The following TDRD10 variants were observed in gnomAD, a reference collection of about 807,000 sequenced individuals.
TDRD10 encodes tudor domain-containing protein 10.
A neutral mutation model predicts 48.0 loss-of-function variants in TDRD10; 40 were observed. The ratio of observed to expected loss-of-function variants is 0.83; its 90% CI spans 0.65 to 1.09. The LOEUF is 1.09. Ranked by LOEUF, TDRD10 falls within the 50% of genes least tolerant of loss-of-function variation. The probability of loss-of-function intolerance (pLI) is 0.00; values close to 1 mark genes in which losing one functional copy is unlikely to be tolerated. For synonymous variants in TDRD10, 162 were observed against 170.4 expected (o/e 0.95, Z 0.38); for missense variants, 378 against 434.7 (o/e 0.87, Z 1.16).
In TDRD10 at chr1:154,525,895, CAAAAAAA is replaced by C. The variant is rs59844127; in HGVS notation, c.369+4434_369+4440del. Among the ~76,000 whole-genome samples the C allele has an allele frequency of 5.2e-3, 274 of 52,986 alleles. 1 individual carries two copies. Among genetic ancestry groups the C allele is most frequent in the Non-Finnish European group, 8.1e-3 (239 of 29,516 alleles). 34.8% of individuals were successfully genotyped at this position (52,986 alleles called of 152,430 possible). On this transcript the variant is annotated intron_variant, in intron 6 of 12. Coordinates refer to ENST00000368482, the MANE Select transcript of TDRD10 (RefSeq NM_182499.4). Reference sequence around the variant, plus strand: ...TGGGCAACAGAGCAAGATTCCGTCTCAAAAAAAAAAAAAAAAAAAAAAAAGAGGCTGG... The same window carrying C: ...TGGGCAACAGAGCAAGATTCCGTCTCAAAAAAAAAAAAAAAAAGAGGCTGG...
At chr1:154,528,238 T>C (rs1694414953) in intron 6 of TDRD10, among the ~76,000 whole-genome samples, 1 of 127,746 alleles carries the variant, frequency 7.8e-6, no homozygotes, top group Non-Finnish European at 1.7e-5. Flanking sequence ...AAAATTTTTT[T>C]TTGAGATGGA....
In TDRD10 at chr1:154,544,522, G is replaced by A. The variant is rs1192283388; in HGVS notation, c.797+5G>A. On this transcript the variant is annotated splice_donor_5th_base_variant and intron_variant, in intron 10 of 12. Transcript: ENST00000368482. ...TTATGGACACGCCTGGAACAGGTGT[G>A]TGCCTGGGCAGGGGTAGAGTCTATG... 7 of 1,613,408 alleles carry A rather than the reference G, an allele frequency of 4.3e-6. No individual in the cohort carries two copies. The East Asian group carries it at 1.3e-4, about 31-fold the overall frequency.
chr1:154,546,589 A>T (rs933768113), intron 11 of TDRD10, among the ~76,000 whole-genome samples: 53 of 151,858 alleles, frequency 3.5e-4, no homozygotes, highest in Non-Finnish European at 5.2e-4. Flanking sequence ...GTGGGCAGGG[A>T]GCACCACCCA....
intron 6 of TDRD10, among the ~76,000 whole-genome samples, chr1:154,533,214 T>C (rs1694740521): frequency 6.6e-6 from 1 of 152,154 alleles, no homozygotes. Flanking sequence ...CTGCATGCTG[T>C]CTTTGTTGGC....
At chr1:154,541,855 C>A (rs4845647) in intron 6 of TDRD10, 169 bp from the exon 7 acceptor site, 363,020 of 587,336 alleles carry the variant, frequency 0.62, 114,267 homozygotes, top group East Asian at 0.75. Flanking sequence ...CTCAGGATGC[C>A]GTGAGGATGG....
At chr1:154,505,187 C>T (rs867717181) in intron 1 of TDRD10, among the ~76,000 whole-genome samples, 3 of 152,170 alleles carry the variant, frequency 2.0e-5, no homozygotes, top group African/African-American at 7.2e-5. Flanking sequence ...TCTGCATCTC[C>T]GGGACTTCAT....
At chr1:154,528,368 C>T (rs984173136) in intron 6 of TDRD10, among the ~76,000 whole-genome samples, 17 of 151,858 alleles carry the variant, frequency 1.1e-4, no homozygotes, top group African/African-American at 3.4e-4. Context: ...GGACTACAGG[C>T]GTGCACCACC....
intron 4 of TDRD10, among the ~76,000 whole-genome samples, chr1:154,509,409 T>G (rs1436002052): frequency 1.3e-5 from 2 of 152,180 alleles, no homozygotes; most frequent in Non-Finnish European, 2.9e-5. Context: ...TCATGTGGTT[T>G]TATTAAATTA....
intron 6 of TDRD10, among the ~76,000 whole-genome samples, chr1:154,532,336 G>T (rs1694676188): frequency 6.6e-6 from 1 of 152,204 alleles, no homozygotes; most frequent in Admixed American, 6.5e-5. Flanking sequence ...GCTGGCCTGG[G>T]TGCTAAGCCC....
At chr1:154,540,257 G>A (rs1198186254) in intron 6 of TDRD10, among the ~76,000 whole-genome samples, 1 of 152,164 alleles carries the variant, frequency 6.6e-6, no homozygotes, top group East Asian at 1.9e-4. Context: ...GGTGGGTATG[G>A]ACACAGAGAA....
intron 6 of TDRD10, among the ~76,000 whole-genome samples, chr1:154,530,699 G>A (rs1404187032): frequency 1.3e-5 from 2 of 151,864 alleles, no homozygotes; most frequent in Admixed American, 1.3e-4. Context: ...GGGTTCACTT[G>A]CCTGTTTGAA....
intron 4 of TDRD10, among the ~76,000 whole-genome samples, chr1:154,510,335 G>T (rs903605911): frequency 6.6e-6 from 1 of 152,032 alleles, no homozygotes; most frequent in Admixed American, 6.6e-5. Flanking sequence ...GTTCATGCCT[G>T]TAATCCCAGC....
intron 6 of TDRD10, 167 bp from the exon 7 acceptor site, chr1:154,541,857 T>G: frequency 3.3e-6 from 2 of 597,192 alleles, no homozygotes; most frequent in East Asian, 3.0e-5. Context: ...CAGGATGCCG[T>G]GAGGATGGAG....
chr1:154,524,266 A>T (rs1422291911), intron 6 of TDRD10, among the ~76,000 whole-genome samples: 1 of 152,164 alleles, frequency 6.6e-6, no homozygotes, highest in Non-Finnish European at 1.5e-5. Context: ...TCTTGGGCTC[A>T]AGCCATCCTC....
intron 1 of TDRD10, among the ~76,000 whole-genome samples, chr1:154,505,787 C>CA (rs35579149): frequency 0.51 from 76,874 of 151,988 alleles, 22,584 homozygotes; most frequent in East Asian, 0.76. Context: ...AGATAATACT[C>CA]ACGGAATTGT....
chr1:154,536,580 G>T (rs114322004), intron 6 of TDRD10, among the ~76,000 whole-genome samples: 165 of 152,314 alleles, frequency 1.1e-3, no homozygotes, highest in African/African-American at 3.8e-3. Flanking sequence ...CCATTTAAGT[G>T]TACAGCTTGA....
At chr1:154,546,283 A>G (rs1695562442) in intron 11 of TDRD10, among the ~76,000 whole-genome samples, 1 of 149,632 alleles carries the variant, frequency 6.7e-6, no homozygotes, top group South Asian at 2.1e-4. Context: ...TGTGTTGGTC[A>G]GGCTGGTCTC....
At chr1:154,536,731 C>CCAG (rs1345439328) in intron 6 of TDRD10, among the ~76,000 whole-genome samples, 1 of 152,152 alleles carries the variant, frequency 6.6e-6, no homozygotes, top group Non-Finnish European at 1.5e-5. Context: ...TGGAGCTTTT[C>CCAG]CAGCGTGTCC....
rs1306172339 is a variant in TDRD10 at position 154,502,595 on chromosome 1, C to G, written c.-462C>G. The G allele has an allele frequency of 6.6e-6, 1 of 152,226 alleles. No individual in the cohort carries two copies. The highest frequency in any genetic ancestry group is 1.5e-5 in the Non-Finnish European group (1 of 68,072). The allele number at this position is 152,226 out of a possible 1,614,324, so 9.4% of individuals were successfully genotyped here. A position where few individuals can be genotyped will look rare whatever the true frequency, so the allele number is the denominator to read the frequency against. ...GGCCGCACGTGCGGATCGGCCGCGC[C>G]CCACTGAGCAGAGAGCCCCCTTCTG... is the stretch of plus-strand genomic sequence containing the variant. On this transcript the variant is annotated 5_prime_UTR_variant, in exon 1 of 13. Transcript: ENST00000368482.
Sources: allele counts gnomAD v4.1 joint callset (sites outside exome capture counted in the v4.1 genomes callset), GRCh38; gene constraint gnomAD v4.1.1; transcripts MANE v1.5; gene names NCBI Gene and HGNC (gene_info 2026-07-23, HGNC 2026-07-21).